The following FGF12 variants were observed in gnomAD, a reference collection of about 807,000 sequenced individuals.
The protein encoded by FGF12 is fibroblast growth factor 12.
A neutral mutation model predicts 23.6 loss-of-function variants in FGF12; 14 were observed. That is an observed-to-expected ratio of 0.59 (90% CI 0.39 to 0.93). FGF12 has a LOEUF of 0.93. Ranked by LOEUF, FGF12 falls within the 40% of genes least tolerant of loss-of-function variation. The pLI, the probability that FGF12 is intolerant of heterozygous loss-of-function variation, is 0.00. For missense variants in FGF12, 175 were observed against 217.8 expected (o/e 0.80, Z 1.24); for synonymous variants, 62 against 77.3 (o/e 0.80, Z 1.04).
chr3:192,215,751 T>A (rs919481038), intron 4 of FGF12, among the ~76,000 whole-genome samples: 3 of 152,216 alleles, frequency 2.0e-5, no homozygotes, highest in Non-Finnish European at 2.9e-5. Context: ...GAAGAAATTC[T>A]GCCAATCTTT....
At chr3:192,388,437 A>G (rs1304683334) in intron 2 of FGF12, among the ~76,000 whole-genome samples, 1 of 152,172 alleles carries the variant, frequency 6.6e-6, no homozygotes, top group Non-Finnish European at 1.5e-5. Flanking sequence ...ATAGAGGTTG[A>G]CATATGTTAG....
chr3:192,685,294 G>A (rs540961716), intron 2 of FGF12, among the ~76,000 whole-genome samples: 46 of 152,136 alleles, frequency 3.0e-4, no homozygotes, highest in African/African-American at 7.2e-4. Context: ...CTCGTGATCC[G>A]CCCGCCTCGG....
chr3:192,437,252 T>C (rs1722053737), intron 2 of FGF12, among the ~76,000 whole-genome samples: 1 of 152,078 alleles, frequency 6.6e-6, no homozygotes, highest in Admixed American at 6.5e-5. Flanking sequence ...TCAAAATCAT[T>C]AGGAAAATAG....
intron 4 of FGF12, chr3:192,267,219 G>C (rs1255757036): frequency 6.6e-6 from 1 of 152,106 alleles, no homozygotes; most frequent in Non-Finnish European, 1.5e-5. Flanking sequence ...TTACATAGTT[G>C]ATTAATGCAA....
intron 2 of FGF12, among the ~76,000 whole-genome samples, chr3:192,526,612 G>T (rs1263027864): frequency 1.3e-5 from 2 of 151,848 alleles, no homozygotes; most frequent in Non-Finnish European, 2.9e-5. Context: ...TCCCTTTCAT[G>T]GTAAGTCTTA....
chr3:192,560,314 A>G (rs1005537836), intron 2 of FGF12, among the ~76,000 whole-genome samples: 2 of 152,058 alleles, frequency 1.3e-5, no homozygotes, highest in Non-Finnish European at 1.5e-5. Flanking sequence ...AAGAAGATAG[A>G]AAAAGTAGAG....
At chr3:192,386,475 A>C (rs1027048178) in intron 2 of FGF12, among the ~76,000 whole-genome samples, 14 of 152,056 alleles carry the variant, frequency 9.2e-5, no homozygotes, top group African/African-American at 3.1e-4. Context: ...ATACTTATAA[A>C]CCTCACCATC....
rs143371803 is a variant in FGF12, at chr3:192,173,423, G to T, written c.229-2767C>A. ...CCATGTGAAGGAAAACTGGCTCTTC[G>T]AAGGCCTTGTCTCAATATTGCCAGG... On this transcript the variant is annotated intron_variant, in intron 4 of 5. Coordinates refer to ENST00000445105, the MANE Select transcript of FGF12 (RefSeq NM_004113.6). Among the ~76,000 whole-genome samples, 378 of 142,178 alleles carry T rather than the reference G, an allele frequency of 2.7e-3. 6 individuals are homozygous for T. Among genetic ancestry groups the T allele is most frequent in the African/African-American group, 9.0e-3 (363 of 40,260 alleles). The allele number at this position is 142,178 out of a possible 152,430, so 93.3% of individuals were successfully genotyped here.
chr3:192,301,563 T>C (rs565869753), intron 4 of FGF12, among the ~76,000 whole-genome samples: 3 of 152,222 alleles, frequency 2.0e-5, no homozygotes, highest in African/African-American at 2.4e-5. Context: ...CAAAAAATTA[T>C]GATAAGCTCT....
intron 4 of FGF12, among the ~76,000 whole-genome samples, chr3:192,233,638 T>G (rs1577261272): frequency 6.6e-6 from 1 of 152,092 alleles, no homozygotes; most frequent in East Asian, 1.9e-4. Context: ...ATGTCCAGAG[T>G]GGTATTTCCT....
At chr3:192,410,756 G>A (rs537332972) in intron 2 of FGF12, among the ~76,000 whole-genome samples, 1 of 152,274 alleles carries the variant, frequency 6.6e-6, no homozygotes, top group East Asian at 1.9e-4. Flanking sequence ...ATGACTCCAG[G>A]TGCGGCGAGG....
chr3:192,635,326 C>T (rs760079380), intron 2 of FGF12, among the ~76,000 whole-genome samples: 6 of 152,202 alleles, frequency 3.9e-5, no homozygotes, highest in Admixed American at 1.3e-4. Context: ...TTACTCATAA[C>T]TCTTCTTGCT....
chr3:192,455,097 T>G (rs1177155782), intron 2 of FGF12, among the ~76,000 whole-genome samples: 1 of 152,188 alleles, frequency 6.6e-6, no homozygotes, highest in Non-Finnish European at 1.5e-5. Context: ...GCCATAAGAC[T>G]TATTGCTTGG....
chr3:192,723,515 G>T (rs1719104409), intron 2 of FGF12, among the ~76,000 whole-genome samples: 1 of 152,090 alleles, frequency 6.6e-6, no homozygotes, highest in Admixed American at 6.5e-5. Context: ...GATTTGATTT[G>T]GTAGATGTGG....
intron 2 of FGF12, among the ~76,000 whole-genome samples, chr3:192,704,916 G>T (rs1213639067): frequency 6.6e-6 from 1 of 152,158 alleles, no homozygotes; most frequent in Non-Finnish European, 1.5e-5. Flanking sequence ...ACCACCCTCT[G>T]CTAGTTTCTA....
intron 2 of FGF12, among the ~76,000 whole-genome samples, chr3:192,504,212 G>T (rs1194553178): frequency 2.0e-5 from 3 of 152,026 alleles, no homozygotes; most frequent in Non-Finnish European, 4.4e-5. Context: ...TGGGGAGGGT[G>T]AAGACCAGAA....
intron 2 of FGF12, among the ~76,000 whole-genome samples, chr3:192,679,450 T>A (rs141208589): frequency 1.4e-3 from 219 of 152,020 alleles, no homozygotes; most frequent in African/African-American, 5.1e-3. Context: ...ATACAAAAAT[T>A]AGTCAGGTGT....
intron 2 of FGF12, among the ~76,000 whole-genome samples, chr3:192,444,392 C>A (rs1722289516): frequency 6.6e-6 from 1 of 152,006 alleles, no homozygotes. Context: ...TTGACTCAGC[C>A]CTCTTTGTTT....
At chr3:192,241,152 G>A (rs73193506) in intron 4 of FGF12, among the ~76,000 whole-genome samples, 9,108 of 152,232 alleles carry the variant, frequency 0.06, 302 homozygotes, top group South Asian at 0.081. Flanking sequence ...AGTTCTTGCT[G>A]AAGAAGAATT....
Sources: allele counts gnomAD v4.1 joint callset (sites outside exome capture counted in the v4.1 genomes callset), GRCh38; gene constraint gnomAD v4.1.1; transcripts MANE v1.5; gene names NCBI Gene and HGNC (gene_info 2026-07-23, HGNC 2026-07-21).